Variants in ARB2A observed in about 807,000 individuals in gnomAD.
The protein encoded by ARB2A is cotranscriptional regulator ARB2A.
chr5:93,768,519 AC>A, the ARB2A span, among the ~76,000 whole-genome samples: 1 of 150,418 alleles, frequency 6.6e-6, no homozygotes, highest in African/African-American at 2.4e-5. Context: ...GTATATACAT[AC>A]ATATATATAC....
At chr5:93,642,184 T>A in the ARB2A span, among the ~76,000 whole-genome samples, 1 of 151,296 alleles carries the variant, frequency 6.6e-6, no homozygotes, top group African/African-American at 2.4e-5. Flanking sequence ...AGTCTCCCTA[T>A]GTTGCCTAGG....
the ARB2A span, among the ~76,000 whole-genome samples, chr5:93,843,507 T>G: frequency 6.6e-6 from 1 of 150,434 alleles, no homozygotes; most frequent in African/African-American, 2.5e-5. Context: ...CTGTGAAGCC[T>G]TGACCTCCCG....
chr5:93,873,811 T>C, the ARB2A span, among the ~76,000 whole-genome samples: 1 of 152,210 alleles, frequency 6.6e-6, no homozygotes, highest in Non-Finnish European at 1.5e-5. Context: ...CCATATCCCA[T>C]TCTTTCTTTC....
chr5:93,922,695 G>C, the ARB2A span, among the ~76,000 whole-genome samples: 3 of 144,208 alleles, frequency 2.1e-5, no homozygotes, highest in Admixed American at 7.0e-5. Context: ...AGGGAGGGAG[G>C]AAGGAAAGAA....
At chr5:93,906,569 G>A in the ARB2A span, among the ~76,000 whole-genome samples, 1 of 151,424 alleles carries the variant, frequency 6.6e-6, no homozygotes, top group African/African-American at 2.4e-5. Context: ...TAAAACATTT[G>A]TTTTTATCCT....
the ARB2A span, chr5:93,866,186 T>C: frequency 1.0e-6 from 1 of 985,330 alleles, no homozygotes; most frequent in African/African-American, 1.7e-5. Context: ...ATCAGCAGTC[T>C]GTACAAGAAT....
At chr5:93,765,389 T>A in the ARB2A span, among the ~76,000 whole-genome samples, 1 of 152,150 alleles carries the variant, frequency 6.6e-6, no homozygotes, top group Non-Finnish European at 1.5e-5. Context: ...CAAACATTCT[T>A]ATACACCAAT....
At chr5:93,934,457 C>T in the ARB2A span, among the ~76,000 whole-genome samples, 3 of 152,154 alleles carry the variant, frequency 2.0e-5, no homozygotes, top group East Asian at 3.8e-4. Context: ...TCCCCTCCTT[C>T]CATGCAAGTG....
At chr5:93,817,044 A>G in the ARB2A span, among the ~76,000 whole-genome samples, 38 of 152,072 alleles carry the variant, frequency 2.5e-4, 1 homozygote, top group African/African-American at 8.9e-4. Context: ...GTATTCACGA[A>G]TGATATGATC....
At chr5:93,919,913 A>C in the ARB2A span, among the ~76,000 whole-genome samples, 1 of 152,202 alleles carries the variant, frequency 6.6e-6, no homozygotes, top group Non-Finnish European at 1.5e-5. Context: ...GAATGTTTTC[A>C]CAAATTGATT....
At chr5:94,094,372 A>T in the ARB2A span, among the ~76,000 whole-genome samples, 1 of 152,266 alleles carries the variant, frequency 6.6e-6, no homozygotes, top group Non-Finnish European at 1.5e-5. Context: ...CTTCTTACGA[A>T]GACACTAATC....
At chr5:93,618,816 T>C in the ARB2A span, 1 of 152,168 alleles carries the variant, frequency 6.6e-6, no homozygotes, top group East Asian at 1.9e-4. Context: ...GGCAATTAAA[T>C]AGTGATTTAT....
At chr5:93,821,620 A>G in the ARB2A span, among the ~76,000 whole-genome samples, 13 of 152,072 alleles carry the variant, frequency 8.5e-5, no homozygotes, top group Non-Finnish European at 1.9e-4. Flanking sequence ...CCTAAAACTG[A>G]ATAACATTTT....
chr5:93,994,006 A>G, the ARB2A span, among the ~76,000 whole-genome samples: 1 of 152,168 alleles, frequency 6.6e-6, no homozygotes, highest in Non-Finnish European at 1.5e-5. Context: ...TCAAGGGCAT[A>G]TCACTGAATG....
chr5:93,707,303 G>A, the ARB2A span, among the ~76,000 whole-genome samples: 3 of 151,974 alleles, frequency 2.0e-5, no homozygotes, highest in African/African-American at 4.8e-5. Context: ...AGGTTTTCTC[G>A]CCTACATAAT....
chr5:93,947,445 G>A, the ARB2A span, among the ~76,000 whole-genome samples: 2 of 151,770 alleles, frequency 1.3e-5, no homozygotes, highest in East Asian at 3.9e-4. Flanking sequence ...TTATTTTAGA[G>A]ATGAGGTCTC....
At chr5:93,833,365 A>G in the ARB2A span, among the ~76,000 whole-genome samples, 2 of 152,220 alleles carry the variant, frequency 1.3e-5, no homozygotes, top group African/African-American at 4.8e-5. Context: ...AATAATCTGG[A>G]ATGTGGCAAA....
the ARB2A span, among the ~76,000 whole-genome samples, chr5:93,751,993 C>T: frequency 2.0e-5 from 3 of 152,036 alleles, no homozygotes; most frequent in Non-Finnish European, 2.9e-5. Flanking sequence ...AACATTTGGG[C>T]TGGGGGGATG....
chr5:93,999,970 T>C, the ARB2A span, among the ~76,000 whole-genome samples: 1 of 152,102 alleles, frequency 6.6e-6, no homozygotes, highest in Non-Finnish European at 1.5e-5. Flanking sequence ...GATTCCTCCA[T>C]GTCTTTTCAT....
Sources: allele counts gnomAD v4.1 joint callset (sites outside exome capture counted in the v4.1 genomes callset), GRCh38; gene constraint gnomAD v4.1.1; transcripts MANE v1.5; gene names NCBI Gene and HGNC (gene_info 2026-07-23, HGNC 2026-07-21).